Variants in NME9 observed in about 807,000 individuals in gnomAD.
The protein encoded by NME9 is NME/NM23 family member 9.
Under a neutral mutation model 44.4 loss-of-function variants are expected in NME9, and 48 were observed. The ratio of observed to expected loss-of-function variants is 1.08; its 90% CI spans 0.86 to 1.37. NME9 has a LOEUF of 1.37. NME9 is among the 40% of genes most tolerant of loss of function. NME9 has a pLI of 0.00. For synonymous variants in NME9, 139 were observed against 147.1 expected (o/e 0.94, Z 0.40); for missense variants, 325 against 405.2 (o/e 0.80, Z 1.70).
At chr3:138,274,703 T>C (rs538053638) in intron 8 of NME9, among the ~76,000 whole-genome samples, 1 of 152,284 alleles carries the variant, frequency 6.6e-6, no homozygotes, top group South Asian at 2.1e-4. Flanking sequence ...CCTTAAACTC[T>C]CTTTAAGACT....
intron 7 of NME9, 29 bp downstream of exon 7, chr3:138,306,362 AGGACAGT>A (rs2052260074): frequency 1.4e-6 from 2 of 1,453,910 alleles, no homozygotes; most frequent in South Asian, 2.3e-5. Flanking sequence ...AGAGGACACA[AGGACAGT>A]GGTGCATGGT....
chr3:138,288,937 C>G, intron 8 of NME9: 3 of 831,426 alleles, frequency 3.6e-6, no homozygotes, highest in Non-Finnish European at 3.8e-6. Context: ...TCACCTGGCC[C>G]TGCTTCAGAC....
downstream of NME9, chr3:138,296,190 G>A: frequency 3.2e-6 from 1 of 310,106 alleles, no homozygotes; most frequent in Non-Finnish European, 6.0e-6. Flanking sequence ...CTATGCTGCA[G>A]CCACTTTGTG....
chr3:138,315,697 T>C, intron 4 of NME9, 54 bp from the exon 5 acceptor site: 4 of 1,350,836 alleles, frequency 3.0e-6, no homozygotes, highest in Non-Finnish European at 4.1e-6. Flanking sequence ...TAATCTCTTG[T>C]AAGAGATGGC....
At chr3:138,319,149 G>A (rs1012595674) in intron 3 of NME9, among the ~76,000 whole-genome samples, 6 of 152,134 alleles carry the variant, frequency 3.9e-5, no homozygotes, top group Non-Finnish European at 5.9e-5. Flanking sequence ...GCAATAAGCC[G>A]TGATACCACC....
Position 138,314,341 on chromosome 3 carries a change from C to T in NME9, c.451G>A (p.Glu151Lys). 1 of 1,602,024 alleles carries T rather than the reference C, an allele frequency of 6.2e-7. No homozygotes were observed. Among genetic ancestry groups the T allele is most frequent in the African/African-American group, 1.3e-5 (1 of 74,690 alleles). The change falls in exon 6 of 11, where the codon GAG becomes AAG. Residue 151 changes from glutamate to lysine, a missense_variant. Glu to Lys is a moderately conservative substitution (Grantham distance 56). Transcript: ENST00000333911. ...TTGGTTCTGCACTCACCCATGTCCT[C>T]ATCTTCACCATTATTCTTTCCATGG... The part of the protein sequence containing the change: ...VSHGKNNGED[E>K]DMVSSERTCT...
At position 138,300,999 on chromosome 3, in the gene NME9, T is replaced by A. The variant is rs2051808323; in HGVS notation, c.*641A>T. 3 of 946,620 alleles carry A rather than the reference T, an allele frequency of 3.2e-6. No homozygotes were observed. Among genetic ancestry groups the A allele is most frequent in the Middle Eastern group, 5.4e-4 (1 of 1,848 alleles). The allele number at this position is 946,620 out of a possible 1,614,324, so 58.6% of individuals were successfully genotyped here. A position where few individuals can be genotyped will look rare whatever the true frequency, so the allele number is the denominator to read the frequency against. On this transcript the variant is annotated 3_prime_UTR_variant, in exon 11 of 11. Coordinates refer to ENST00000333911, the MANE Select transcript of NME9 (RefSeq NM_001349018.2). ...GTTACCAAATTAAGTTCTAAAATTG[T>A]TTAATTCATAAGGTAGATTTATTGT... is the stretch of plus-strand genomic sequence containing the variant.
chr3:138,267,934 A>C (rs1341921726), intron 8 of NME9, among the ~76,000 whole-genome samples: 1 of 152,142 alleles, frequency 6.6e-6, no homozygotes, highest in Non-Finnish European at 1.5e-5. Flanking sequence ...TAATTAAGAA[A>C]GGTAGTATTA....
chr3:138,278,144 T>G (rs1262021677), intron 8 of NME9, among the ~76,000 whole-genome samples: 1 of 151,976 alleles, frequency 6.6e-6, no homozygotes, highest in Non-Finnish European at 1.5e-5. Flanking sequence ...ACAGGACAAT[T>G]TAGGGAGGGA....
At chr3:138,265,447 A>G (rs1372929494) in intron 8 of NME9, among the ~76,000 whole-genome samples, 1 of 152,152 alleles carries the variant, frequency 6.6e-6, no homozygotes, top group Non-Finnish European at 1.5e-5. Context: ...TTGTTTTTGC[A>G]TACCTGCTAT....
chr3:138,328,281 T>C (rs889752824), intron 1 of NME9, among the ~76,000 whole-genome samples: 2 of 152,188 alleles, frequency 1.3e-5, no homozygotes, highest in Admixed American at 6.5e-5. Context: ...CAGTTGGCTA[T>C]AGAGGACACA....
At chr3:138,264,654 G>A (rs555264151) in intron 8 of NME9, among the ~76,000 whole-genome samples, 1 of 151,780 alleles carries the variant, frequency 6.6e-6, no homozygotes. Flanking sequence ...TCCTGACCAC[G>A]TGATCTGCCC....
intron 6 of NME9, among the ~76,000 whole-genome samples, chr3:138,310,276 T>G (rs146790649): frequency 9.9e-5 from 15 of 151,746 alleles, no homozygotes; most frequent in African/African-American, 3.6e-4. Flanking sequence ...CATTAATAGA[T>G]CTAAAGGGAA....
exon 9 of NME9, chr3:138,262,361 A>G (rs528230746): frequency 1.1e-5 from 8 of 696,022 alleles, no homozygotes; most frequent in Non-Finnish European, 1.7e-5. Context: ...CTAAAACACC[A>G]GATAAAAATT....
intron 8 of NME9, among the ~76,000 whole-genome samples, chr3:138,289,478 G>A (rs890763191): frequency 6.6e-5 from 10 of 152,214 alleles, no homozygotes; most frequent in Non-Finnish European, 1.5e-4. Context: ...AGCAGAGGAA[G>A]CACATATGAG....
chr3:138,276,647 G>A (rs2049324119), intron 8 of NME9, among the ~76,000 whole-genome samples: 1 of 152,032 alleles, frequency 6.6e-6, no homozygotes, highest in African/African-American at 2.4e-5. Flanking sequence ...ATTGGATATT[G>A]AGATATTAAA....
At chr3:138,270,122 G>A in intron 8 of NME9, 1 of 1,608,074 alleles carries the variant, frequency 6.2e-7, no homozygotes, top group Non-Finnish European at 8.5e-7. Flanking sequence ...AATGGAATTT[G>A]GGCTTTAATG....
At chr3:138,264,248 C>T (rs748872271) in intron 8 of NME9, 2 of 1,552,638 alleles carry the variant, frequency 1.3e-6, no homozygotes, top group South Asian at 1.1e-5. Context: ...CAGCTGTACT[C>T]ACAGACCCTA....
downstream of NME9, chr3:138,298,272 T>C (rs1291423511): frequency 6.6e-6 from 1 of 151,616 alleles, no homozygotes; most frequent in Non-Finnish European, 1.5e-5. Flanking sequence ...ATAAGTTGCA[T>C]TTTTTTTTCT....
Sources: gnomAD v4.1 joint callset for allele counts (sites outside exome capture counted in the v4.1 genomes callset) on GRCh38, gnomAD v4.1.1 for gene constraint, MANE v1.5 for transcripts, NCBI Gene and HGNC (gene_info 2026-07-23, HGNC 2026-07-21) for gene names.